ASB9: variants seen among roughly 807,000 people sequenced by gnomAD.
ASB9 encodes the protein ankyrin repeat and SOCS box containing 9.
A neutral mutation model predicts 16.6 loss-of-function variants in ASB9; 5 were observed. The observed-to-expected ratio is 0.30, with a 90% CI of 0.16 to 0.63. ASB9 has a LOEUF of 0.63. Ranked by LOEUF, ASB9 falls within the 30% of genes least tolerant of loss-of-function variation. The pLI, the probability that ASB9 is intolerant of heterozygous loss-of-function variation, is 0.82. For synonymous variants in ASB9, 100 were observed against 86.4 expected (o/e 1.16, Z -0.87); for missense variants, 216 against 229.4 (o/e 0.94, Z 0.38).
chrX:15,253,331 C>A lies in ASB9; in HGVS notation c.283-927G>T, dbSNP rs148504411. The stretch of plus-strand genomic sequence containing the variant: ...ACTCCGCCGGGCACGGTGGCTCACA[C>A]CTGTAATCCCAGCACTTTGGGAGAC... On this transcript the variant is annotated intron_variant, in intron 3 of 6. Transcript: ENST00000380488. 4.6e-4 allele frequency among the ~76,000 whole-genome samples: 51 copies of A among 111,852 alleles called. 2 individuals are homozygous for A. In the East Asian group the frequency reaches 0.014, roughly 30 times the overall value.
chrX:15,262,093 T>C (rs1343911952), intron 1 of ASB9, among the ~76,000 whole-genome samples: 4 of 108,146 alleles, frequency 3.7e-5, no homozygotes, highest in Non-Finnish European at 7.6e-5. Flanking sequence ...CAAAGTTTCA[T>C]CCATGTTGTA....
At position 15,244,684 on chromosome X, in the gene ASB9, CT is replaced by C. The variant is rs1339829538; in HGVS notation, c.761-55del. Reference sequence around the variant, plus strand: ...CAATGGTGCTATTGATCTAAGACTCCTTTTTTTTAAAAAAAAAAAGCATCCA... The same window carrying C: ...CAATGGTGCTATTGATCTAAGACTCCTTTTTTTAAAAAAAAAAAGCATCCA... On this transcript the variant is annotated intron_variant, in intron 6 of 6. Coordinates refer to ENST00000380488, the MANE Select transcript of ASB9 (RefSeq NM_001031739.3). 1.1e-3 allele frequency: 960 copies of C among 907,775 alleles called. 1 individual carries two copies. The highest frequency in any genetic ancestry group is 3.2e-3 in the Admixed American group (70 of 21,808). The allele number at this position is 907,775 out of a possible 1,213,427, so 74.8% of individuals were successfully genotyped here.
intron 3 of ASB9, among the ~76,000 whole-genome samples, chrX:15,252,796 T>C (rs139364207): frequency 0.011 from 1,247 of 112,683 alleles, 22 homozygotes; most frequent in African/African-American, 0.039. Context: ...AATTATTAGC[T>C]GTGTAATTTA....
rs773637540 is a variant in ASB9 at position 15,261,757 on chromosome X, C to T, written c.95-2812G>A. 3.6e-5 allele frequency among the ~76,000 whole-genome samples: 4 copies of T among 112,613 alleles called. No homozygotes were observed. The East Asian group carries it at 1.1e-3, about 31-fold the overall frequency. ...AGTGAGGGGCTGACAATGTGAATATCTCTAGCTAGCTAGCTAGCAAGCAGC... is the reference window on the plus strand; with the variant it reads ...AGTGAGGGGCTGACAATGTGAATATTTCTAGCTAGCTAGCTAGCAAGCAGC... On this transcript the variant is annotated intron_variant, in intron 1 of 6. Transcript: ENST00000380488.
chrX:15,260,093 T>C (rs1018708840), intron 1 of ASB9, among the ~76,000 whole-genome samples: 1 of 112,145 alleles, frequency 8.9e-6, no homozygotes, highest in African/African-American at 3.2e-5. Context: ...CTCATCATCA[T>C]TGCTATTTAA....
intron 2 of ASB9, among the ~76,000 whole-genome samples, chrX:15,257,265 G>A (rs1017044811): frequency 9.1e-6 from 1 of 110,352 alleles, no homozygotes; most frequent in Non-Finnish European, 1.9e-5. Flanking sequence ...TAAAATTAGC[G>A]GGGCGTGGTG....
chrX:15,250,778 GT>G (rs757852490), intron 4 of ASB9, among the ~76,000 whole-genome samples: 1 of 112,064 alleles, frequency 8.9e-6, no homozygotes, highest in East Asian at 2.8e-4. Flanking sequence ...CTGGAGTGCA[GT>G]GGCGCAATCT....
chrX:15,254,386 G>A (rs1925369138), intron 3 of ASB9, among the ~76,000 whole-genome samples: 1 of 112,061 alleles, frequency 8.9e-6, no homozygotes, highest in South Asian at 3.7e-4. Flanking sequence ...AAGGATGAAT[G>A]ACCACATAGA....
intron 1 of ASB9, among the ~76,000 whole-genome samples, chrX:15,265,036 T>C (rs1444944512): frequency 1.8e-5 from 2 of 112,302 alleles, no homozygotes; most frequent in Non-Finnish European, 3.8e-5. Context: ...CTCTTTCTGC[T>C]TCTCTGTCCA....
chrX:15,260,778 G>A (rs943630455), intron 1 of ASB9, among the ~76,000 whole-genome samples: 8 of 112,426 alleles, frequency 7.1e-5, no homozygotes, highest in African/African-American at 2.6e-4. Flanking sequence ...GAAAGGCTAT[G>A]AAGTATCCTT....
intron 3 of ASB9, 71 bp downstream of exon 3, chrX:15,254,666 G>C (rs1925392055): frequency 2.5e-6 from 2 of 810,604 alleles, no homozygotes; most frequent in African/African-American, 4.1e-5. Flanking sequence ...AGTGCTGGAA[G>C]TTATTCAGAA....
chrX:15,249,058 T>C lies in ASB9; in HGVS notation c.569-123A>G, dbSNP rs777058778. On this transcript the variant is annotated intron_variant, in intron 5 of 6. Coordinates refer to ENST00000380488, the MANE Select transcript of ASB9 (RefSeq NM_001031739.3). ...GGATCCATATTGAGCACAGCAATCCTGGAAAAATGGGAGATGATGTGATTC... is the reference window on the plus strand; with the variant it reads ...GGATCCATATTGAGCACAGCAATCCCGGAAAAATGGGAGATGATGTGATTC... 5.0e-5 allele frequency: 33 copies of C among 658,257 alleles called. No homozygotes were observed. In the South Asian group the frequency reaches 1.5e-3, roughly 29 times the overall value. 54.2% of individuals were successfully genotyped at this position (658,257 alleles called of 1,213,427 possible).
chrX:15,265,706 G>C (rs1459837054), intron 1 of ASB9, among the ~76,000 whole-genome samples: 1 of 110,520 alleles, frequency 9.0e-6, no homozygotes, highest in East Asian at 2.8e-4. Context: ...CATGATCTCA[G>C]CTCACTGCAA....
chrX:15,258,979 CT>C (rs779869281), intron 1 of ASB9, 34 bp from the exon 2 acceptor site: 1 of 1,086,495 alleles, frequency 9.2e-7, no homozygotes, highest in Non-Finnish European at 1.3e-6. Flanking sequence ...TTATATCCTG[CT>C]AATGCACTTA....
intron 1 of ASB9, among the ~76,000 whole-genome samples, chrX:15,264,382 A>G (rs1427793182): frequency 8.9e-6 from 1 of 111,766 alleles, no homozygotes; most frequent in Non-Finnish European, 1.9e-5. Flanking sequence ...ACTTAACCAT[A>G]TATATTTTCA....
chrX:15,259,053 T>C (rs1925786476), intron 1 of ASB9, 108 bp from the exon 2 acceptor site: 3 of 500,356 alleles, frequency 6.0e-6, no homozygotes, highest in Non-Finnish European at 1.0e-5. Flanking sequence ...GAGGGAGACA[T>C]TGGATTCACT....
At chrX:15,268,520 G>A (rs1342350730) in intron 1 of ASB9, among the ~76,000 whole-genome samples, 261 of 98,809 alleles carry the variant, frequency 2.6e-3, no homozygotes, top group African/African-American at 8.7e-3. Flanking sequence ...CCGCCTCCCG[G>A]GTTCAAGTGA....
chrX:15,265,648 T>C (rs940209669), intron 1 of ASB9, among the ~76,000 whole-genome samples: 1 of 110,443 alleles, frequency 9.1e-6, no homozygotes, highest in East Asian at 2.9e-4. Context: ...TGCATTTTTT[T>C]TTTTTGAGAC....
intron 6 of ASB9, 34 bp downstream of exon 6, chrX:15,248,710 A>G: frequency 8.5e-7 from 1 of 1,174,400 alleles, no homozygotes; most frequent in Admixed American, 2.4e-5. Flanking sequence ...AGGGATGTCA[A>G]CAGATTAGGG....
Sources: allele counts gnomAD v4.1 joint callset (sites outside exome capture counted in the v4.1 genomes callset), GRCh38; gene constraint gnomAD v4.1.1; transcripts MANE v1.5; gene names NCBI Gene and HGNC (gene_info 2026-07-23, HGNC 2026-07-21).